The following MBTD1 variants were observed in gnomAD, a reference collection of about 807,000 sequenced individuals.
MBTD1 encodes the protein mbt domain containing 1.
MBTD1 carries 24 observed loss-of-function variants against 87.8 expected under a neutral mutation model. That is an observed-to-expected ratio of 0.27 (90% CI 0.20 to 0.38). The LOEUF (loss-of-function observed/expected upper bound fraction) is 0.38, where lower values mean the gene tolerates loss of function less well. Ranked by LOEUF, MBTD1 falls within the 10% of genes least tolerant of loss-of-function variation. The pLI is 1.00. For missense variants in MBTD1, 436 were observed against 760.2 expected, an observed-to-expected ratio of 0.57 and a Z score of 5.02; for synonymous variants, 237 against 248.6, an observed-to-expected ratio of 0.95 and a Z score of 0.44.
intron 2 of MBTD1, among the ~76,000 whole-genome samples, chr17:51,242,412 G>A (rs1034657234): frequency 6.6e-6 from 1 of 152,152 alleles, no homozygotes; most frequent in Non-Finnish European, 1.5e-5. Flanking sequence ...AATAGTTACA[G>A]AAGCATTACA....
chr17:51,204,468 T>C (rs185100420), intron 7 of MBTD1, among the ~76,000 whole-genome samples: 4 of 139,040 alleles, frequency 2.9e-5, no homozygotes. Context: ...TAAAAATACA[T>C]ATTATATATT....
intron 5 of MBTD1, among the ~76,000 whole-genome samples, chr17:51,218,683 A>G (rs553474203): frequency 5.3e-5 from 8 of 152,190 alleles, no homozygotes; most frequent in Non-Finnish European, 8.8e-5. Context: ...TGTACATGAA[A>G]AGTAAATAAT....
Position 51,202,893 on chromosome 17 carries a change from C to T in MBTD1, c.871G>A (p.Val291Ile). Residue 291 changes from valine to isoleucine, a missense_variant, in exon 10 of 17, where the codon GTA becomes ATA. By Grantham distance (29) the Val-to-Ile change is conservative. Transcript: ENST00000586178. ...AAATGCCTCTTGTCAACCACTTCTACTCTCATGCAAGGTTTGAAAGGATAC... is the reference window on the plus strand; with the variant it reads ...AAATGCCTCTTGTCAACCACTTCTATTCTCATGCAAGGTTTGAAAGGATAC... ...MQYPFKPCMR[V>I]EVVDKRHLCR... 1.2e-6 allele frequency: 2 copies of T among 1,614,148 alleles called. No homozygotes were observed. The highest frequency in any genetic ancestry group is 1.7e-6 in the Non-Finnish European group (2 of 1,180,002).
At chr17:51,215,307 T>C (rs2052501376) in intron 6 of MBTD1, among the ~76,000 whole-genome samples, 1 of 152,250 alleles carries the variant, frequency 6.6e-6, no homozygotes, top group South Asian at 2.1e-4. Flanking sequence ...AGTTCATTAT[T>C]ACCATAGAGA....
At chr17:51,257,901 T>C (rs2055183587) in intron 2 of MBTD1, among the ~76,000 whole-genome samples, 1 of 151,794 alleles carries the variant, frequency 6.6e-6, no homozygotes, top group Non-Finnish European at 1.5e-5. Flanking sequence ...TATGAATAAA[T>C]ACTTATTCAA....
chr17:51,227,299 A>G (rs1035242077), intron 2 of MBTD1, among the ~76,000 whole-genome samples: 1 of 151,188 alleles, frequency 6.6e-6, no homozygotes, highest in African/African-American at 2.4e-5. Flanking sequence ...GGTGGCTCGC[A>G]TCTGTAATCC....
Position 51,213,831 on chromosome 17 carries a change from C to G in MBTD1, c.486+3503G>C, listed in dbSNP as rs548867211. Among the ~76,000 whole-genome samples the G allele has an allele frequency of 2.2e-3, 336 of 151,978 alleles. 2 individuals carry two copies. The highest frequency in any genetic ancestry group is 8.1e-4 in the Non-Finnish European group (55 of 67,992). ...AACACCCCATCTCTGCCAGAACAAT[C>G]AACGCAGTTTCCTCTTATCCTGTGT... On this transcript the variant is annotated intron_variant, in intron 6 of 16. Coordinates refer to ENST00000586178, the MANE Select transcript of MBTD1 (RefSeq NM_017643.3).
At chr17:51,247,232 T>C (rs989670578) in intron 2 of MBTD1, among the ~76,000 whole-genome samples, 2 of 152,208 alleles carry the variant, frequency 1.3e-5, no homozygotes, top group African/African-American at 4.8e-5. Flanking sequence ...TTTTCTCTTC[T>C]GACCGATTAG....
intron 16 of MBTD1, among the ~76,000 whole-genome samples, chr17:51,187,636 G>A (rs2050600091): frequency 6.6e-6 from 1 of 152,006 alleles, no homozygotes; most frequent in African/African-American, 2.4e-5. Flanking sequence ...GATCACTTGA[G>A]GTCAGGAGTT....
At chr17:51,192,688 T>C in intron 15 of MBTD1, 94 bp downstream of exon 15, 1 of 1,561,846 alleles carries the variant, frequency 6.4e-7, no homozygotes, top group African/African-American at 1.4e-5. Context: ...GGTATATTCT[T>C]GTCCTGTGAG....
intron 5 of MBTD1, 36 bp from the exon 6 acceptor site, chr17:51,217,452 CA>C: frequency 2.0e-6 from 2 of 982,070 alleles, no homozygotes; most frequent in Non-Finnish European, 3.0e-6. Flanking sequence ...TTATAATTCT[CA>C]AATCTTTTAT....
intron 2 of MBTD1, among the ~76,000 whole-genome samples, chr17:51,232,527 T>C (rs2053603277): frequency 6.6e-6 from 1 of 152,056 alleles, no homozygotes; most frequent in Admixed American, 6.6e-5. Context: ...ACCAACTTAT[T>C]AGACATGGCT....
At chr17:51,219,690 T>A (rs1325529537) in intron 4 of MBTD1, among the ~76,000 whole-genome samples, 5 of 152,194 alleles carry the variant, frequency 3.3e-5, no homozygotes, top group Non-Finnish European at 7.3e-5. Context: ...ATGAGAAGAC[T>A]GTGATCATCC....
intron 16 of MBTD1, among the ~76,000 whole-genome samples, chr17:51,188,488 G>A (rs898140320): frequency 3.9e-5 from 6 of 152,162 alleles, no homozygotes; most frequent in African/African-American, 1.4e-4. Context: ...AAGCAACAGA[G>A]CCAGAATATG....
At chr17:51,242,822 C>A (rs1174905923) in intron 2 of MBTD1, among the ~76,000 whole-genome samples, 1 of 152,068 alleles carries the variant, frequency 6.6e-6, no homozygotes, top group Non-Finnish European at 1.5e-5. Context: ...TTCTTATTTC[C>A]ATTTCCTTCA....
intron 2 of MBTD1, among the ~76,000 whole-genome samples, chr17:51,226,518 T>TA (rs2053228808): frequency 6.6e-6 from 1 of 151,724 alleles, no homozygotes; most frequent in South Asian, 2.1e-4. Flanking sequence ...TAAAATAAAA[T>TA]AAAATAAAAA....
chr17:51,211,846 AATAG>A (rs1431614236), intron 6 of MBTD1, among the ~76,000 whole-genome samples: 1 of 152,310 alleles, frequency 6.6e-6, no homozygotes, highest in Non-Finnish European at 1.5e-5. Context: ...ATAACTGAGA[AATAG>A]ATAATGAGTT....
chr17:51,180,981 C>T (rs2050279071), intron 16 of MBTD1, among the ~76,000 whole-genome samples: 2 of 150,020 alleles, frequency 1.3e-5, no homozygotes, highest in Admixed American at 1.3e-4. Context: ...AATGTTTGTA[C>T]AAACAATGAT....
chr17:51,229,288 C>A (rs778942710), intron 2 of MBTD1, among the ~76,000 whole-genome samples: 2 of 152,070 alleles, frequency 1.3e-5, no homozygotes, highest in Non-Finnish European at 2.9e-5. Flanking sequence ...TCTTTTGCTA[C>A]ACAGATACAG....
Sources: allele counts gnomAD v4.1 joint callset (sites outside exome capture counted in the v4.1 genomes callset), GRCh38; gene constraint gnomAD v4.1.1; transcripts MANE v1.5; gene names NCBI Gene and HGNC (gene_info 2026-07-23, HGNC 2026-07-21).